The following ITGA1 variants were observed in gnomAD, a reference collection of about 807,000 sequenced individuals.
The protein encoded by ITGA1 is integrin subunit alpha 1, also known as integrin alpha-1.
ITGA1 carries 85 observed loss-of-function variants against 145.9 expected under a neutral mutation model. That is an observed-to-expected ratio of 0.58 (90% CI 0.49 to 0.70). The LOEUF (loss-of-function observed/expected upper bound fraction) is 0.70, where lower values mean the gene tolerates loss of function less well. Ranked by LOEUF, ITGA1 falls within the 30% of genes least tolerant of loss-of-function variation. The pLI, the probability that ITGA1 is intolerant of heterozygous loss-of-function variation, is 0.00. For synonymous variants in ITGA1, 520 were observed against 495.3 expected (o/e 1.05, Z -0.66); for missense variants, 1,351 against 1,418.7 (o/e 0.95, Z 0.77).
In ITGA1 at chr5:52,825,506, A is replaced by G. The variant is rs1748946276; in HGVS notation, c.62-23859A>G. ...ATCAGTGGTGCCAGGAACTGTGCCTATATAAGATGGAAATTTTGATAAGTG... is the reference window on the plus strand; with the variant it reads ...ATCAGTGGTGCCAGGAACTGTGCCTGTATAAGATGGAAATTTTGATAAGTG... On this transcript the variant is annotated intron_variant, in intron 1 of 28. Transcript: ENST00000282588. Among the ~76,000 whole-genome samples the G allele has an allele frequency of 2.6e-5, 4 of 152,186 alleles. No individual in the cohort carries two copies. In the South Asian group the frequency reaches 8.3e-4, roughly 32 times the overall value.
chr5:52,791,263 G>A (rs1406988004), intron 1 of ITGA1, among the ~76,000 whole-genome samples: 2 of 152,146 alleles, frequency 1.3e-5, no homozygotes, highest in Non-Finnish European at 2.9e-5. Context: ...AAGAAAAGAG[G>A]GTGGAGCATC....
chr5:52,942,558 T>A (rs1157667419), intron 26 of ITGA1, among the ~76,000 whole-genome samples: 4 of 146,712 alleles, frequency 2.7e-5, no homozygotes, highest in Admixed American at 1.4e-4. Flanking sequence ...TGAGACGGAG[T>A]CTCGCTCTGT....
intron 18 of ITGA1, 47 bp from the exon 19 acceptor site, chr5:52,925,231 C>A: frequency 7.0e-7 from 1 of 1,434,888 alleles, no homozygotes; most frequent in Non-Finnish European, 9.8e-7. Flanking sequence ...TAATTTTCAA[C>A]AATGCGTAGC....
chr5:52,809,184 C>G (rs899794828), intron 1 of ITGA1, among the ~76,000 whole-genome samples: 1 of 152,148 alleles, frequency 6.6e-6, no homozygotes, highest in Non-Finnish European at 1.5e-5. Context: ...TTCTGAAAAT[C>G]ATGTACTAAG....
At chr5:52,840,563 T>C (rs1031479356) in intron 1 of ITGA1, among the ~76,000 whole-genome samples, 1 of 152,136 alleles carries the variant, frequency 6.6e-6, no homozygotes, top group African/African-American at 2.4e-5. Flanking sequence ...GTTTAAGAAT[T>C]TTAGAGATCA....
chr5:52,840,186 T>C (rs970329968), intron 1 of ITGA1, among the ~76,000 whole-genome samples: 4 of 152,234 alleles, frequency 2.6e-5, no homozygotes, highest in African/African-American at 9.6e-5. Flanking sequence ...ATAAAATTCA[T>C]GGAAAATATT....
chr5:52,921,393 A>G (rs922687931), intron 17 of ITGA1, among the ~76,000 whole-genome samples: 1 of 152,262 alleles, frequency 6.6e-6, no homozygotes. Context: ...CTTTTGTGCC[A>G]CATTTGTTCT....
At chr5:52,819,410 T>A (rs1198798708) in intron 1 of ITGA1, among the ~76,000 whole-genome samples, 1 of 152,200 alleles carries the variant, frequency 6.6e-6, no homozygotes, top group African/African-American at 2.4e-5. Context: ...ATGATGAGCA[T>A]TTTTTCATGT....
intron 6 of ITGA1, among the ~76,000 whole-genome samples, chr5:52,874,983 G>T (rs1749842945): frequency 6.6e-6 from 1 of 152,038 alleles, no homozygotes; most frequent in South Asian, 2.1e-4. Flanking sequence ...AATATACCAG[G>T]TCTTCCAATT....
chr5:52,843,919 T>C (rs1490597675), intron 1 of ITGA1, among the ~76,000 whole-genome samples: 2 of 152,130 alleles, frequency 1.3e-5, no homozygotes, highest in Non-Finnish European at 2.9e-5. Context: ...CCTCAAATTA[T>C]TGAATAGCTC....
chr5:52,818,167 A>G (rs184318110), intron 1 of ITGA1, among the ~76,000 whole-genome samples: 55 of 152,286 alleles, frequency 3.6e-4, no homozygotes, highest in African/African-American at 1.3e-3. Context: ...GCTTAGATTA[A>G]CTCAGCAATT....
At chr5:52,895,106 GA>G (rs201714874) in intron 9 of ITGA1, among the ~76,000 whole-genome samples, 5 of 150,308 alleles carry the variant, frequency 3.3e-5, no homozygotes, top group East Asian at 1.9e-4. Flanking sequence ...CTCTTTCAAT[GA>G]AAAAAAAATG....
At chr5:52,875,546 A>T (rs1749854234) in intron 6 of ITGA1, among the ~76,000 whole-genome samples, 1 of 152,130 alleles carries the variant, frequency 6.6e-6, no homozygotes, top group Middle Eastern at 3.2e-3. Context: ...CCCAGGAGGT[A>T]AATGTATCCT....
chr5:52,922,934 T>G, intron 18 of ITGA1, 47 bp downstream of exon 18: 1 of 1,068,662 alleles, frequency 9.4e-7, no homozygotes, highest in Non-Finnish European at 1.5e-6. Flanking sequence ...TGTGAACATT[T>G]TAATGTCACT....
intron 8 of ITGA1, chr5:52,889,670 C>CT (rs1305958081): frequency 6.6e-5 from 10 of 152,308 alleles, no homozygotes; most frequent in African/African-American, 2.4e-4. Context: ...GCCCATTGCC[C>CT]TTGTGCCCAC....
chr5:52,821,751 C>T (rs1397772994), intron 1 of ITGA1, among the ~76,000 whole-genome samples: 2 of 152,284 alleles, frequency 1.3e-5, no homozygotes, highest in African/African-American at 4.8e-5. Context: ...TCAGCCTTAA[C>T]ATTTTCTTAC....
intron 7 of ITGA1, among the ~76,000 whole-genome samples, chr5:52,883,960 A>T (rs898422822): frequency 3.3e-5 from 5 of 152,176 alleles, no homozygotes; most frequent in Non-Finnish European, 7.3e-5. Context: ...AAGGCCTTTT[A>T]ATCATCTCCT....
chr5:52,930,875 C>G (rs1052197920), intron 21 of ITGA1, among the ~76,000 whole-genome samples: 4 of 151,972 alleles, frequency 2.6e-5, no homozygotes, highest in Non-Finnish European at 5.9e-5. Context: ...TTGAACAGAC[C>G]TTGAAAAGCC....
Position 52,932,140 on chromosome 5 carries a change from G to A in ITGA1, c.2861+4G>A. The A allele has an allele frequency of 6.5e-7, 1 of 1,542,932 alleles. No homozygotes were observed. Among genetic ancestry groups the A allele is most frequent in the Non-Finnish European group, 9.0e-7 (1 of 1,116,518 alleles). ...AAGTTGGACTACAGTTTTACAGGTA[G>A]GAGAAAACTACATTTTTATGTGGAT... On this transcript the variant is annotated splice_donor_region_variant and intron_variant, in intron 22 of 28. Transcript: ENST00000282588.
Sources: gnomAD v4.1 joint callset for allele counts (sites outside exome capture counted in the v4.1 genomes callset) on GRCh38, gnomAD v4.1.1 for gene constraint, MANE v1.5 for transcripts, NCBI Gene and HGNC (gene_info 2026-07-23, HGNC 2026-07-21) for gene names.